Variants in CDHR3 observed in about 807,000 individuals in gnomAD.
CDHR3 encodes cadherin related family member 3, also known as cadherin-related family member 3.
A neutral mutation model predicts 86.6 loss-of-function variants in CDHR3; 79 were observed. That is an observed-to-expected ratio of 0.91 (90% CI 0.76 to 1.10). The LOEUF is 1.10. CDHR3 is among the 50% of genes least tolerant of loss of function. The pLI is 0.00. For synonymous variants in CDHR3, 421 were observed against 402.4 expected (o/e 1.05, Z -0.55); for missense variants, 1,081 against 1,077.6 (o/e 1.00, Z -0.04).
intron 3 of CDHR3, among the ~76,000 whole-genome samples, chr7:105,981,671 C>T (rs1031832160): frequency 6.6e-6 from 1 of 152,112 alleles, no homozygotes; most frequent in Non-Finnish European, 1.5e-5. Flanking sequence ...TGAGCTGTGG[C>T]GGTCGTAACA....
At position 106,015,190 on chromosome 7, in the gene CDHR3, A is replaced by T; in HGVS notation, c.1304A>T (p.Asp435Val). The change falls in exon 10 of 19, where the codon GAT becomes GTT. Residue 435 changes from aspartate to valine, a missense_variant. By Grantham distance (152) the Asp-to-Val change is radical. Coordinates refer to ENST00000317716, the MANE Select transcript of CDHR3 (RefSeq NM_152750.5). ...TATACGGTGATAATCCAGGTGCAGG[A>T]TGTGGCCCCCCCTTACTATAAAAGC... ...NKYTVIIQVQ[D>V]VAPPYYKNNV... 6.2e-7 allele frequency: 1 copy of T among 1,610,592 alleles called. No individual in the cohort carries two copies. The highest frequency in any genetic ancestry group is 1.1e-5 in the South Asian group (1 of 89,818).
chr7:105,985,289 C>T (rs1324551312), intron 4 of CDHR3, among the ~76,000 whole-genome samples: 2 of 152,160 alleles, frequency 1.3e-5, no homozygotes, highest in African/African-American at 4.8e-5. Flanking sequence ...TGGCTCTGCC[C>T]ACTAATGTGG....
At chr7:105,997,533 C>A (rs1180670003) in intron 6 of CDHR3, among the ~76,000 whole-genome samples, 1 of 152,178 alleles carries the variant, frequency 6.6e-6, no homozygotes, top group Non-Finnish European at 1.5e-5. Context: ...AGCTTATTAA[C>A]AGTTATGACA....
chr7:106,022,104 T>A, intron 13 of CDHR3, 94 bp from the exon 14 acceptor site: 1 of 1,481,412 alleles, frequency 6.8e-7, no homozygotes. Flanking sequence ...TGTGGACATT[T>A]GAGAAAAAGA....
intron 6 of CDHR3, 93 bp from the exon 7 acceptor site, chr7:106,001,369 A>G: frequency 7.3e-7 from 1 of 1,374,342 alleles, no homozygotes; most frequent in Non-Finnish European, 1.0e-6. Flanking sequence ...ACAGCTCTGC[A>G]CTATATTTAG....
At position 106,017,926 on chromosome 7, in the gene CDHR3, G is replaced by A. The variant is rs767757764; in HGVS notation, c.1507G>A (p.Gly503Arg). ...CCTCCTGTACTCCATCTCCACTGGA[G>A]GGGCCAGCCTCCAGTATCCAAATGT... Reference protein sequence around the residue: ...SSLLYSISTGGASLQYPNVFW... With the variant: ...SSLLYSISTGRASLQYPNVFW... The change falls in exon 12 of 19, where the codon GGG becomes AGG. Residue 503 changes from glycine (G) to arginine (R), a missense_variant. Gly to Arg is a moderately radical substitution (Grantham distance 125). Coordinates refer to ENST00000317716, the MANE Select transcript of CDHR3 (RefSeq NM_152750.5). The A allele has an allele frequency of 3.7e-6, 6 of 1,611,528 alleles. No homozygotes were observed. The South Asian group carries it at 5.5e-5, about 15-fold the overall frequency.
At chr7:105,968,033 G>A (rs1399385762) in intron 1 of CDHR3, among the ~76,000 whole-genome samples, 1 of 152,164 alleles carries the variant, frequency 6.6e-6, no homozygotes, top group East Asian at 1.9e-4. Flanking sequence ...CCTTGCCCAT[G>A]CCTATGTCCT....
chr7:106,028,483 G>A (rs1379146515), intron 16 of CDHR3, 68 bp from the exon 17 acceptor site: 1 of 1,544,786 alleles, frequency 6.5e-7, no homozygotes, highest in Non-Finnish European at 8.9e-7. Context: ...ATACCGTTGT[G>A]GAGGTGGAAT....
intron 4 of CDHR3, among the ~76,000 whole-genome samples, chr7:105,992,132 A>G (rs1366330316): frequency 2.6e-5 from 4 of 152,148 alleles, no homozygotes; most frequent in East Asian, 1.9e-4. Context: ...TCGGTTGACC[A>G]TAAGATTTTG....
rs1313953212 is a variant in CDHR3 at position 106,036,211 on chromosome 7, C to T, written c.*3514C>T. Reference sequence around the variant, plus strand: ...AAGCACGGGTGGCTCACAAGCAGAACTGGGAAATGACACTTCTGCTCCCCA... The same window carrying T: ...AAGCACGGGTGGCTCACAAGCAGAATTGGGAAATGACACTTCTGCTCCCCA... On this transcript the variant is annotated 3_prime_UTR_variant, in exon 19 of 19. Coordinates refer to ENST00000317716, the MANE Select transcript of CDHR3 (RefSeq NM_152750.5). The T allele has an allele frequency of 1.3e-5, 2 of 152,108 alleles. No homozygotes were observed. Among genetic ancestry groups the T allele is most frequent in the Non-Finnish European group, 2.9e-5 (2 of 68,034 alleles). The allele number at this position is 152,108 out of a possible 1,614,324, so 9.4% of individuals were successfully genotyped here. A position where few individuals can be genotyped will look rare whatever the true frequency, so the allele number is the denominator to read the frequency against.
At chr7:105,977,017 A>G (rs1828935220) in intron 2 of CDHR3, among the ~76,000 whole-genome samples, 1 of 137,612 alleles carries the variant, frequency 7.3e-6, no homozygotes, top group South Asian at 2.3e-4. Flanking sequence ...GGGTCTCACT[A>G]TGCTGCCCAG....
intron 3 of CDHR3, among the ~76,000 whole-genome samples, chr7:105,982,677 C>A (rs762785747): frequency 6.6e-5 from 10 of 151,816 alleles, no homozygotes; most frequent in Non-Finnish European, 1.3e-4. Flanking sequence ...CCTCCTATCT[C>A]CTGGCTCTTC....
At chr7:105,964,368 G>C (rs141149195) in intron 1 of CDHR3, among the ~76,000 whole-genome samples, 1 of 151,942 alleles carries the variant, frequency 6.6e-6, no homozygotes, top group South Asian at 2.1e-4. Flanking sequence ...TATTTGGCAT[G>C]GTTTTTCAGG....
intron 1 of CDHR3, among the ~76,000 whole-genome samples, chr7:105,969,538 C>T (rs1417309231): frequency 6.6e-6 from 1 of 152,242 alleles, no homozygotes; most frequent in East Asian, 1.9e-4. Context: ...CGAGGACCTT[C>T]TGTGGGTTCT....
chr7:105,970,019 C>G (rs1157339901), intron 1 of CDHR3, among the ~76,000 whole-genome samples: 1 of 152,056 alleles, frequency 6.6e-6, no homozygotes, highest in East Asian at 1.9e-4. Context: ...GGTCTGATTC[C>G]AAATCTCTCG....
intron 1 of CDHR3, among the ~76,000 whole-genome samples, chr7:105,971,923 C>A (rs1166985726): frequency 1.3e-5 from 2 of 152,198 alleles, no homozygotes; most frequent in Admixed American, 1.3e-4. Context: ...CTTACCAGCC[C>A]CCACAGCCAT....
At chr7:105,975,921 T>C (rs1490746673) in intron 2 of CDHR3, among the ~76,000 whole-genome samples, 3 of 152,148 alleles carry the variant, frequency 2.0e-5, no homozygotes, top group Non-Finnish European at 4.4e-5. Context: ...CATTAGTCAC[T>C]AGGAGAGCTT....
At chr7:105,993,273 G>A (rs1831641616) in intron 4 of CDHR3, among the ~76,000 whole-genome samples, 2 of 152,122 alleles carry the variant, frequency 1.3e-5, no homozygotes, top group African/African-American at 2.4e-5. Flanking sequence ...CATATTTTAC[G>A]GCACGCATTC....
intron 8 of CDHR3, 47 bp from the exon 9 acceptor site, chr7:106,012,813 C>A: frequency 6.5e-6 from 10 of 1,547,190 alleles, no homozygotes; most frequent in South Asian, 3.8e-5. Flanking sequence ...AAGGAACAGT[C>A]GATTACCATT....
Sources: allele counts gnomAD v4.1 joint callset (sites outside exome capture counted in the v4.1 genomes callset), GRCh38; gene constraint gnomAD v4.1.1; transcripts MANE v1.5; gene names NCBI Gene and HGNC (gene_info 2026-07-23, HGNC 2026-07-21).